The following PXT1 variants were observed in gnomAD, a reference collection of about 807,000 sequenced individuals.
PXT1 encodes peroxisomal testis-specific protein 1.
PXT1 carries 11 observed loss-of-function variants against 11.0 expected under a neutral mutation model. The observed-to-expected ratio is 1.00, with a 90% confidence interval of 0.63 to 1.66. The LOEUF (loss-of-function observed/expected upper bound fraction) is 1.66, where lower values mean the gene tolerates loss of function less well. Among genes scored for constraint, PXT1 ranks in the 40% most tolerant of loss-of-function variants. The pLI is 0.00. For missense variants in PXT1, 141 were observed against 155.5 expected, an observed-to-expected ratio of 0.91 and a Z score of 0.49; for synonymous variants, 43 against 51.4, an observed-to-expected ratio of 0.84 and a Z score of 0.70.
At chr6:36,440,342 G>A (rs1035265133) in intron 1 of PXT1, among the ~76,000 whole-genome samples, 13 of 152,122 alleles carry the variant, frequency 8.5e-5, no homozygotes, top group African/African-American at 1.7e-4. Context: ...ATGCCGAGGC[G>A]GGTGGATCAC....
At position 36,391,556 on chromosome 6, in the gene PXT1, G is replaced by C; in HGVS notation, c.*214C>G. The C allele has an allele frequency of 1.8e-6, 1 of 567,382 alleles. No individual in the cohort carries two copies. The allele number at this position is 567,382 out of a possible 1,614,324, so 35.1% of individuals were successfully genotyped here. On this transcript the variant is annotated 3_prime_UTR_variant, in exon 5 of 5. Coordinates refer to ENST00000454782, the MANE Select transcript of PXT1 (RefSeq NM_152990.4). ...CTAATTACTCCTTGGGCTTTACCGT[G>C]ATGTGATCGCAGACATCTCATAGCT...
chr6:36,407,492 A>C (rs1458269249), intron 3 of PXT1, among the ~76,000 whole-genome samples: 1 of 152,200 alleles, frequency 6.6e-6, no homozygotes, highest in Admixed American at 6.5e-5. Context: ...AGTTGTGGGA[A>C]TATGTATACA....
At chr6:36,398,417 T>G (rs1561924660) in intron 4 of PXT1, among the ~76,000 whole-genome samples, 1 of 152,180 alleles carries the variant, frequency 6.6e-6, no homozygotes, top group Non-Finnish European at 1.5e-5. Context: ...CACAAAAAGT[T>G]ATATACAAAC....
intron 3 of PXT1, among the ~76,000 whole-genome samples, chr6:36,421,490 A>T (rs1405211075): frequency 5.9e-5 from 9 of 152,168 alleles, no homozygotes; most frequent in Non-Finnish European, 1.3e-4. Context: ...AAAACTGATT[A>T]ATCTGTGGGA....
chr6:36,440,476 A>G (rs1774840187), intron 1 of PXT1, among the ~76,000 whole-genome samples: 1 of 152,036 alleles, frequency 6.6e-6, no homozygotes, highest in Non-Finnish European at 1.5e-5. Context: ...AGGCTGAGGC[A>G]GGAGAATGGC....
At chr6:36,440,637 T>A (rs1038435528) in intron 1 of PXT1, among the ~76,000 whole-genome samples, 1 of 150,480 alleles carries the variant, frequency 6.6e-6, no homozygotes, top group Non-Finnish European at 1.5e-5. Flanking sequence ...AGACTCGGGG[T>A]CTTGAGATAC....
intron 2 of PXT1, among the ~76,000 whole-genome samples, chr6:36,427,851 C>T (rs1774630824): frequency 6.6e-6 from 1 of 152,054 alleles, no homozygotes; most frequent in South Asian, 2.1e-4. Context: ...GCCATACAAA[C>T]CAAGGGGAGA....
intron 3 of PXT1, among the ~76,000 whole-genome samples, chr6:36,425,182 A>C (rs1241080938): frequency 6.6e-6 from 1 of 152,216 alleles, no homozygotes; most frequent in Non-Finnish European, 1.5e-5. Context: ...TTTGCAAAGC[A>C]AAATTCCAAA....
At chr6:36,442,220 G>C (rs1024936815) in intron 1 of PXT1, among the ~76,000 whole-genome samples, 2 of 152,176 alleles carry the variant, frequency 1.3e-5, no homozygotes, top group Non-Finnish European at 2.9e-5. Context: ...GCAGAGACAG[G>C]GTTTCATCAT....
intron 3 of PXT1, among the ~76,000 whole-genome samples, chr6:36,411,992 A>G (rs946868552): frequency 6.6e-6 from 1 of 152,094 alleles, no homozygotes; most frequent in Admixed American, 6.5e-5. Context: ...TGAAGAAAAC[A>G]CATAATTCAG....
intron 3 of PXT1, among the ~76,000 whole-genome samples, chr6:36,424,356 T>C (rs1055906153): frequency 6.6e-6 from 1 of 152,220 alleles, no homozygotes; most frequent in Non-Finnish European, 1.5e-5. Flanking sequence ...CAAATGAAGA[T>C]TCAGGCGGAG....
intron 2 of PXT1, among the ~76,000 whole-genome samples, chr6:36,431,663 A>G (rs1382423450): frequency 6.6e-6 from 1 of 152,204 alleles, no homozygotes; most frequent in Non-Finnish European, 1.5e-5. Context: ...GCTACTCAGA[A>G]GGCTGAGGTG....
intron 2 of PXT1, among the ~76,000 whole-genome samples, chr6:36,427,583 G>A (rs1033379320): frequency 6.6e-6 from 1 of 151,904 alleles, no homozygotes; most frequent in Non-Finnish European, 1.5e-5. Context: ...AAAGAAATGA[G>A]TAAAATTAAT....
intron 3 of PXT1, among the ~76,000 whole-genome samples, chr6:36,424,195 T>C (rs760853841): frequency 6.6e-6 from 1 of 152,194 alleles, no homozygotes; most frequent in South Asian, 2.1e-4. Flanking sequence ...GTTGTGAGTA[T>C]ACTAAAACCC....
intron 4 of PXT1, among the ~76,000 whole-genome samples, chr6:36,395,816 A>G (rs1035163762): frequency 5.9e-5 from 9 of 152,088 alleles, no homozygotes; most frequent in African/African-American, 1.4e-4. Flanking sequence ...GCTGGGCAAC[A>G]TGGTGAAATC....
intron 4 of PXT1, among the ~76,000 whole-genome samples, chr6:36,399,772 C>A (rs1391575268): frequency 6.6e-6 from 1 of 152,120 alleles, no homozygotes; most frequent in Non-Finnish European, 1.5e-5. Context: ...ATTTCATCAC[C>A]CCCAAAATTT....
chr6:36,397,829 G>A (rs995052365), intron 4 of PXT1, among the ~76,000 whole-genome samples: 2 of 152,026 alleles, frequency 1.3e-5, no homozygotes, highest in Non-Finnish European at 2.9e-5. Context: ...GTGAGGGCCT[G>A]TCTCTACAAA....
At chr6:36,415,943 C>T (rs1774440489) in intron 3 of PXT1, among the ~76,000 whole-genome samples, 1 of 152,046 alleles carries the variant, frequency 6.6e-6, no homozygotes, top group Non-Finnish European at 1.5e-5. Context: ...CAGGTATTTA[C>T]CCCTGAAGAC....
At position 36,437,827 on chromosome 6, in the gene PXT1, T is replaced by C. The variant is rs1330262097; in HGVS notation, c.-10+940A>G. Among the ~76,000 whole-genome samples, 657 of 143,458 alleles carry C rather than the reference T, an allele frequency of 4.6e-3. 5 individuals carry two copies. The highest frequency in any genetic ancestry group is 0.016 in the African/African-American group (624 of 38,272). The allele number at this position is 143,458 out of a possible 152,430, so 94.1% of individuals were successfully genotyped here. ...CACCGTGCCCAGCCACTGCTTTTTT[T>C]TTTTTTTTTTTTTTTAGAGTCTTGC... is the stretch of plus-strand genomic sequence containing the variant. On this transcript the variant is annotated intron_variant, in intron 2 of 4. Transcript: ENST00000454782.
Sources: allele counts gnomAD v4.1 joint callset (sites outside exome capture counted in the v4.1 genomes callset), GRCh38; gene constraint gnomAD v4.1.1; transcripts MANE v1.5; gene names NCBI Gene and HGNC (gene_info 2026-07-23, HGNC 2026-07-21).